The following PCDHA12 variants were observed in gnomAD, a reference collection of about 807,000 sequenced individuals.
The protein encoded by PCDHA12 is protocadherin alpha 12.
PCDHA12 carries 44 observed loss-of-function variants against 60.0 expected under a neutral mutation model. That is an observed-to-expected ratio of 0.73 (90% CI 0.58 to 0.94). The LOEUF (loss-of-function observed/expected upper bound fraction) is 0.94, where lower values mean the gene tolerates loss of function less well. Among genes scored for constraint, PCDHA12 ranks in the 40% least tolerant of loss-of-function variants. The probability of loss-of-function intolerance (pLI) is 0.00; values close to 1 mark genes in which losing one functional copy is unlikely to be tolerated. For missense variants in PCDHA12, 1,276 were observed against 1,239.7 expected, an observed-to-expected ratio of 1.03 and a Z score of -0.44; for synonymous variants, 569 against 553.0, an observed-to-expected ratio of 1.03 and a Z score of -0.40.
In PCDHA12 at chr5:140,891,714, A is replaced by T. The variant is rs147881763; in HGVS notation, c.2367+13875A>T. On this transcript the variant is annotated intron_variant, in intron 1 of 3. Transcript: ENST00000398631. ...GCTGTTGTCTGAATTTGTACCCCCA[A>T]ATTCATGTGTTGAAAATTCAATCCC... Among the ~76,000 whole-genome samples the T allele has an allele frequency of 2.6e-5, 4 of 152,262 alleles. No individual in the cohort carries two copies. In the East Asian group the frequency reaches 5.8e-4, roughly 22 times the overall value.
At chr5:140,966,749 C>T (rs1554228607) in intron 1 of PCDHA12, 1 of 1,428,076 alleles carries the variant, frequency 7.0e-7, no homozygotes, top group Middle Eastern at 2.5e-4. Flanking sequence ...CCGGCTGCCT[C>T]CGCCGCGGCC....
chr5:140,968,373 C>T (rs1554230649), intron 1 of PCDHA12: 1 of 1,614,034 alleles, frequency 6.2e-7, no homozygotes, highest in African/African-American at 1.3e-5. Context: ...GCTGTCAACT[C>T]CTTTGACTAT....
intron 1 of PCDHA12, among the ~76,000 whole-genome samples, chr5:140,942,118 A>C (rs554488765): frequency 1.3e-5 from 2 of 152,360 alleles, no homozygotes; most frequent in East Asian, 3.9e-4. Flanking sequence ...AAACTTTATT[A>C]AAGGTGATAT....
intron 1 of PCDHA12, among the ~76,000 whole-genome samples, chr5:140,952,915 G>GGCATGA (rs2094816103): frequency 6.6e-6 from 1 of 151,986 alleles, no homozygotes; most frequent in African/African-American, 2.4e-5. Flanking sequence ...CATCTTACAT[G>GGCATGA]GCATGAGCAG....
At chr5:140,927,412 G>T (rs781968521) in intron 1 of PCDHA12, 1 of 1,614,122 alleles carries the variant, frequency 6.2e-7, no homozygotes, top group East Asian at 2.2e-5. Flanking sequence ...CCTGGACATG[G>T]GATCGCGGGT....
In PCDHA12 at chr5:140,941,764, A is replaced by G. The variant is rs116374830; in HGVS notation, c.2368-37185A>G. 5.7e-3 allele frequency among the ~76,000 whole-genome samples: 869 copies of G among 152,306 alleles called. 7 individuals are homozygous for G. Among genetic ancestry groups the G allele is most frequent in the African/African-American group, 0.018 (768 of 41,560 alleles). ...TTATCAGATTTTCAGTGCTTTTAAG[A>G]TAATTGTTTTAATGTTTTACCCAAG... On this transcript the variant is annotated intron_variant, in intron 1 of 3. Coordinates refer to ENST00000398631, the MANE Select transcript of PCDHA12 (RefSeq NM_018903.4).
intron 1 of PCDHA12, among the ~76,000 whole-genome samples, chr5:140,957,050 A>T (rs246010): frequency 0.56 from 85,650 of 151,948 alleles, 24,767 homozygotes; most frequent in African/African-American, 0.69. Context: ...TATAAAATAA[A>T]TTATAAATGT....
intron 3 of PCDHA12, among the ~76,000 whole-genome samples, chr5:140,992,388 G>A (rs2097508351): frequency 6.6e-6 from 1 of 152,120 alleles, no homozygotes; most frequent in Non-Finnish European, 1.5e-5. Context: ...TTGTGTTCTG[G>A]ACTTAGAGAT....
At chr5:140,958,344 T>A (rs1247122967) in intron 1 of PCDHA12, among the ~76,000 whole-genome samples, 2 of 152,128 alleles carry the variant, frequency 1.3e-5, no homozygotes, top group African/African-American at 4.8e-5. Context: ...CACAGGAAGT[T>A]CACAGTCTGA....
intron 1 of PCDHA12, among the ~76,000 whole-genome samples, chr5:140,891,557 A>G (rs549418095): frequency 6.6e-6 from 1 of 151,608 alleles, no homozygotes; most frequent in Non-Finnish European, 1.5e-5. Flanking sequence ...TTATTTTAGT[A>G]CTCTAATTAA....
intron 1 of PCDHA12, chr5:140,969,045 C>G: frequency 1.2e-6 from 2 of 1,614,090 alleles, no homozygotes. Flanking sequence ...TACAAACAAG[C>G]CAACAACAAT....
intron 1 of PCDHA12, among the ~76,000 whole-genome samples, chr5:140,953,652 G>A (rs2094921965): frequency 6.6e-6 from 1 of 152,102 alleles, no homozygotes; most frequent in South Asian, 2.1e-4. Context: ...AGCTATAGTT[G>A]TTATCTCTGG....
At chr5:140,998,415 C>T (rs1554256243) in intron 3 of PCDHA12, among the ~76,000 whole-genome samples, 1 of 152,158 alleles carries the variant, frequency 6.6e-6, no homozygotes, top group African/African-American at 2.4e-5. Context: ...GTTTATCTAC[C>T]TGGTTTATCC....
At chr5:140,929,557 A>AT (rs2086230665) in intron 1 of PCDHA12, 1 of 478,260 alleles carries the variant, frequency 2.1e-6, no homozygotes, top group Non-Finnish European at 3.6e-6. Flanking sequence ...ATTAAAACCT[A>AT]TTTAAGAACA....
intron 3 of PCDHA12, among the ~76,000 whole-genome samples, chr5:141,001,365 T>C (rs577695639): frequency 6.6e-6 from 1 of 152,354 alleles, no homozygotes; most frequent in African/African-American, 2.4e-5. Context: ...AGCCTACTAT[T>C]CTGATTACAG....
chr5:140,956,060 G>A (rs1021406649), intron 1 of PCDHA12, among the ~76,000 whole-genome samples: 12 of 152,074 alleles, frequency 7.9e-5, no homozygotes, highest in African/African-American at 2.9e-4. Context: ...GAGACAATGG[G>A]GTTTTCCAGA....
intron 1 of PCDHA12, among the ~76,000 whole-genome samples, chr5:140,890,661 A>G (rs1384784805): frequency 6.6e-6 from 1 of 152,198 alleles, no homozygotes; most frequent in Non-Finnish European, 1.5e-5. Flanking sequence ...TCAAAAGTTA[A>G]CTGAAACCCT....
intron 1 of PCDHA12, chr5:140,884,551 G>C (rs782613034): frequency 1.2e-6 from 2 of 1,614,134 alleles, no homozygotes; most frequent in Non-Finnish European, 1.7e-6. Flanking sequence ...TGTGCTCTGG[G>C]GAGGGCCCGC....
At chr5:140,928,504 A>G (rs1408229072) in intron 1 of PCDHA12, 1 of 1,614,092 alleles carries the variant, frequency 6.2e-7, no homozygotes, top group African/African-American at 1.3e-5. Flanking sequence ...CAGAAGTGCA[A>G]CAGTGACTAT....
Sources: gnomAD v4.1 joint callset for allele counts (sites outside exome capture counted in the v4.1 genomes callset) on GRCh38, gnomAD v4.1.1 for gene constraint, MANE v1.5 for transcripts, NCBI Gene and HGNC (gene_info 2026-07-23, HGNC 2026-07-21) for gene names.